The following FRMD4B variants were observed in gnomAD, a reference collection of about 807,000 sequenced individuals.
FRMD4B encodes the protein FERM domain-containing protein 4B.
In FRMD4B, 74 loss-of-function variants were observed where a neutral mutation model predicts 141.5. The observed-to-expected ratio is 0.52, with a 90% CI of 0.43 to 0.63. The LOEUF (loss-of-function observed/expected upper bound fraction) is 0.63. Ranked by LOEUF, FRMD4B falls within the 30% of genes least tolerant of loss-of-function variation. The pLI is 0.00. For missense variants in FRMD4B, 1,366 were observed against 1,253.4 expected, an observed-to-expected ratio of 1.09 and a Z score of -1.36; for synonymous variants, 506 against 467.9, an observed-to-expected ratio of 1.08 and a Z score of -1.05.
upstream of FRMD4B, among the ~76,000 whole-genome samples, chr3:69,388,522 A>C (rs1373299260): frequency 6.6e-6 from 1 of 152,084 alleles, no homozygotes; most frequent in Non-Finnish European, 1.5e-5. Flanking sequence ...AGAGAACTAC[A>C]ATAGTGATAG....
chr3:69,310,795 A>C (rs1247410764), intron 3 of FRMD4B, among the ~76,000 whole-genome samples: 1 of 152,186 alleles, frequency 6.6e-6, no homozygotes, highest in East Asian at 1.9e-4. Flanking sequence ...AGGCAACATA[A>C]AATGGACCTA....
chr3:69,465,551 C>G (rs775268370), intron 1 of FRMD4B, among the ~76,000 whole-genome samples: 18 of 152,042 alleles, frequency 1.2e-4, no homozygotes, highest in Non-Finnish European at 2.6e-4. Flanking sequence ...GTCCCCCAGC[C>G]CCCGACAGGC....
chr3:69,450,469 T>C (rs1705477137), intron 1 of FRMD4B, among the ~76,000 whole-genome samples: 2 of 150,712 alleles, frequency 1.3e-5, no homozygotes, highest in African/African-American at 4.9e-5. Flanking sequence ...AAAAACAAAA[T>C]AGGCTGGGGG....
At chr3:69,197,758 A>G (rs2092923689) in intron 12 of FRMD4B, 1 of 152,498 alleles carries the variant, frequency 6.6e-6, no homozygotes, top group Non-Finnish European at 1.5e-5. Flanking sequence ...TCACCTTTTT[A>G]TCACAGGTAT....
At chr3:69,207,909 C>A (rs929216500) in intron 11 of FRMD4B, among the ~76,000 whole-genome samples, 1 of 152,130 alleles carries the variant, frequency 6.6e-6, no homozygotes, top group Non-Finnish European at 1.5e-5. Flanking sequence ...CACGGAACTC[C>A]GTAAGCTCCA....
intron 1 of FRMD4B, among the ~76,000 whole-genome samples, chr3:69,477,156 A>G (rs1248613108): frequency 6.6e-6 from 1 of 152,138 alleles, no homozygotes; most frequent in Admixed American, 6.5e-5. Flanking sequence ...GCAAACAGGG[A>G]CAATTTGACT....
intron 1 of FRMD4B, among the ~76,000 whole-genome samples, chr3:69,452,874 A>T (rs950666450): frequency 5.3e-5 from 8 of 152,244 alleles, no homozygotes; most frequent in African/African-American, 1.7e-4. Flanking sequence ...GAAAAATAGA[A>T]TAAGTTTAGC....
chr3:69,527,129 T>C (rs1700941661), intron 1 of FRMD4B, among the ~76,000 whole-genome samples: 1 of 152,172 alleles, frequency 6.6e-6, no homozygotes, highest in Non-Finnish European at 1.5e-5. Context: ...CATTCAGCTG[T>C]GACACACACT....
chr3:69,351,723 T>C (rs1355254657), intron 1 of FRMD4B, among the ~76,000 whole-genome samples: 1 of 152,162 alleles, frequency 6.6e-6, no homozygotes, highest in Non-Finnish European at 1.5e-5. Context: ...GATTCGGAAC[T>C]CAGGAGATCC....
At chr3:69,468,405 A>G (rs1705828968) in intron 1 of FRMD4B, among the ~76,000 whole-genome samples, 1 of 152,048 alleles carries the variant, frequency 6.6e-6, no homozygotes, top group Admixed American at 6.6e-5. Context: ...CCACTCAGTG[A>G]TGTTTATTTC....
At position 69,241,130 on chromosome 3, in the gene FRMD4B, T is replaced by C. The variant is rs1281315800; in HGVS notation, c.581+8096A>G. Among the ~76,000 whole-genome samples, 38 of 152,238 alleles carry C rather than the reference T, an allele frequency of 2.5e-4. 1 individual carries two copies. Among genetic ancestry groups the C allele is most frequent in the Non-Finnish European group, 1.5e-5 (1 of 68,042 alleles). ...ACTGATCCTATGTGGTGTTAGTAAC[T>C]GTCTAAAGATGTATTAAGGTGGGAC... On this transcript the variant is annotated intron_variant, in intron 7 of 22. Transcript: ENST00000398540.
rs374328449 is a variant in FRMD4B at position 69,177,317 on chromosome 3, T to G, written c.2852-661A>C. Among the ~76,000 whole-genome samples the G allele has an allele frequency of 9.8e-4, 149 of 152,186 alleles. 1 individual carries two copies. Among genetic ancestry groups the G allele is most frequent in the African/African-American group, 3.3e-3 (135 of 41,526 alleles). The stretch of plus-strand genomic sequence containing the variant: ...TCACACCACTGCACTCCAGCCTTGG[T>G]GACAGAGTGAGGCTCTGTCTCAAAA... On this transcript the variant is annotated intron_variant, in intron 21 of 22. Transcript: ENST00000398540.
chr3:69,230,857 C>T (rs79754037), intron 7 of FRMD4B, among the ~76,000 whole-genome samples: 3,395 of 152,236 alleles, frequency 0.022, 134 homozygotes, highest in African/African-American at 0.078. Flanking sequence ...TAGAATACCA[C>T]GCAGCAAAGA....
chr3:69,313,838 A>C (rs1312016646), intron 1 of FRMD4B, among the ~76,000 whole-genome samples: 1 of 152,050 alleles, frequency 6.6e-6, no homozygotes, highest in Non-Finnish European at 1.5e-5. Flanking sequence ...CCTGGAATTA[A>C]TGTTTTATTT....
chr3:69,321,705 T>C (rs1351343620), intron 1 of FRMD4B, among the ~76,000 whole-genome samples: 5 of 129,338 alleles, frequency 3.9e-5, no homozygotes, highest in Non-Finnish European at 6.5e-5. Flanking sequence ...AACACTGAAA[T>C]ACATTCACAA....
intron 3 of FRMD4B, 65 bp downstream of exon 3, chr3:69,311,198 A>C (rs994374594): frequency 4.2e-6 from 3 of 718,176 alleles, no homozygotes; most frequent in Non-Finnish European, 7.3e-6. Flanking sequence ...TTTGTTAATT[A>C]TGGAAGACAG....
At chr3:69,396,647 T>A (rs1419077836) in intron 2 of FRMD4B, among the ~76,000 whole-genome samples, 3 of 152,220 alleles carry the variant, frequency 2.0e-5, no homozygotes, top group Non-Finnish European at 2.9e-5. Context: ...AATGATATAC[T>A]ACTTCACATC....
intron 19 of FRMD4B, among the ~76,000 whole-genome samples, chr3:69,186,782 T>C (rs935586207): frequency 8.5e-5 from 13 of 152,162 alleles, no homozygotes; most frequent in African/African-American, 2.7e-4. Flanking sequence ...CAAGTGATCC[T>C]CCCACCTTGG....
At chr3:69,234,053 C>G (rs2093329057) in intron 7 of FRMD4B, among the ~76,000 whole-genome samples, 2 of 151,682 alleles carry the variant, frequency 1.3e-5, no homozygotes, top group Admixed American at 6.6e-5. Flanking sequence ...TCCAGACCAG[C>G]CTGGCCAAAT....
Sources: allele counts gnomAD v4.1 joint callset (sites outside exome capture counted in the v4.1 genomes callset), GRCh38; gene constraint gnomAD v4.1.1; transcripts MANE v1.5; gene names NCBI Gene and HGNC (gene_info 2026-07-23, HGNC 2026-07-21).